CFAP36: variants seen among roughly 807,000 people sequenced by gnomAD.
CFAP36 encodes cilia- and flagella-associated protein 36.
CFAP36 carries 37 observed loss-of-function variants against 50.5 expected under a neutral mutation model. That is an observed-to-expected ratio of 0.73 (90% CI 0.56 to 0.96). The LOEUF (loss-of-function observed/expected upper bound fraction) is 0.96. Among genes scored for constraint, CFAP36 ranks in the 50% least tolerant of loss-of-function variants. CFAP36 has a pLI of 0.00. For missense variants in CFAP36, 407 were observed against 396.2 expected (o/e 1.03, Z -0.23); for synonymous variants, 138 against 128.2 (o/e 1.08, Z -0.52).
chr2:55,535,860 C>T, intron 6 of CFAP36, 97 bp downstream of exon 6: 3 of 1,439,872 alleles, frequency 2.1e-6, no homozygotes, highest in Non-Finnish European at 2.8e-6. Flanking sequence ...TTATGTGGAA[C>T]TACATAATTT....
At chr2:55,526,813 G>A (rs1013022767) in intron 3 of CFAP36, among the ~76,000 whole-genome samples, 3 of 152,108 alleles carry the variant, frequency 2.0e-5, no homozygotes, top group African/African-American at 7.2e-5. Flanking sequence ...CTTTAGGCCA[G>A]GGTCTCAATA....
chr2:55,527,397 ACGTGGTGAAAC>A (rs1684236475), intron 3 of CFAP36, among the ~76,000 whole-genome samples: 1 of 152,034 alleles, frequency 6.6e-6, no homozygotes, highest in African/African-American at 2.4e-5. Context: ...AGCCTGGCCA[ACGTGGTGAAAC>A]CCGTCTCTAC....
intron 4 of CFAP36, among the ~76,000 whole-genome samples, chr2:55,533,353 A>C (rs1349078306): frequency 6.6e-6 from 1 of 152,276 alleles, no homozygotes; most frequent in South Asian, 2.1e-4. Context: ...TTGTAGTTAA[A>C]AGTGTGGGGT....
intron 2 of CFAP36, among the ~76,000 whole-genome samples, chr2:55,522,625 A>G (rs1346745359): frequency 1.3e-5 from 2 of 152,170 alleles, no homozygotes; most frequent in Admixed American, 6.5e-5. Flanking sequence ...AGCTGGGACT[A>G]CAGGTGTGCA....
At chr2:55,537,443 T>C (rs762045211) in intron 6 of CFAP36, 40 bp from the exon 7 acceptor site, 1 of 1,316,826 alleles carries the variant, frequency 7.6e-7, no homozygotes. Context: ...TGAATCTAAA[T>C]TGTGTGTTTT....
rs1355396789 is a variant in CFAP36 at position 55,539,030 on chromosome 2, TG to T, written c.640+1446del. On this transcript the variant is annotated intron_variant, in intron 7 of 9. Coordinates refer to ENST00000349456, the MANE Select transcript of CFAP36 (RefSeq NM_080667.7). ...ACAGAGATTTCCCCCATATAGTCCC[TG>T]CCCTAGTACATGCCTAGCCTCTCCC... is the stretch of plus-strand genomic sequence containing the variant. 3 of 903,370 alleles carry T rather than the reference TG, an allele frequency of 3.3e-6. No individual in the cohort carries two copies. The East Asian group carries it at 1.1e-4, about 32-fold the overall frequency. 56.0% of individuals were successfully genotyped at this position (903,370 alleles called of 1,614,324 possible).
At chr2:55,537,634 C>T (rs368886974) in intron 7 of CFAP36, 49 bp downstream of exon 7, 4 of 1,054,100 alleles carry the variant, frequency 3.8e-6, no homozygotes, top group Non-Finnish European at 5.6e-6. Flanking sequence ...AATACATAAA[C>T]ACCATATAGA....
intron 1 of CFAP36, among the ~76,000 whole-genome samples, chr2:55,521,641 T>A (rs1253190760): frequency 1.3e-5 from 2 of 150,838 alleles, no homozygotes; most frequent in Non-Finnish European, 3.0e-5. Context: ...TTTTCTTTTT[T>A]TTTTTTGAGA....
chr2:55,530,629 C>T (rs1481018170), intron 4 of CFAP36, among the ~76,000 whole-genome samples: 2 of 152,212 alleles, frequency 1.3e-5, no homozygotes, highest in African/African-American at 4.8e-5. Flanking sequence ...ACCTGAACTA[C>T]ATTTAACATC....
chr2:55,520,611 C>A, intron 1 of CFAP36: 1 of 640,460 alleles, frequency 1.6e-6, no homozygotes, highest in Non-Finnish European at 2.5e-6. Flanking sequence ...CTGAGCAGTT[C>A]TTCAGGCTTG....
In CFAP36 at chr2:55,545,058, A is replaced by C. The variant is rs1558917313; in HGVS notation, c.*50A>C. On this transcript the variant is annotated 3_prime_UTR_variant, in exon 10 of 10. Coordinates refer to ENST00000349456, the MANE Select transcript of CFAP36 (RefSeq NM_080667.7). ...GGAAGTTCAAATTGTCTTAAAAATA[A>C]ATTATTTAGTCCTTACACTGAGCCT... 1 of 1,123,416 alleles carries C rather than the reference A, an allele frequency of 8.9e-7. No individual in the cohort carries two copies. The highest frequency in any genetic ancestry group is 1.5e-5 in the South Asian group (1 of 68,546). 69.6% of individuals were successfully genotyped at this position (1,123,416 alleles called of 1,614,324 possible). A position where few individuals can be genotyped will look rare whatever the true frequency, so the allele number is the denominator to read the frequency against.
intron 3 of CFAP36, among the ~76,000 whole-genome samples, chr2:55,525,731 A>T (rs1163093111): frequency 6.6e-6 from 1 of 152,082 alleles, no homozygotes; most frequent in African/African-American, 2.4e-5. Flanking sequence ...CCTAGGTTCA[A>T]GTGATTCTCC....
At chr2:55,526,746 G>A (rs1391462916) in intron 3 of CFAP36, among the ~76,000 whole-genome samples, 1 of 152,100 alleles carries the variant, frequency 6.6e-6, no homozygotes, top group African/African-American at 2.4e-5. Flanking sequence ...TTTTGGCTGG[G>A]TGTGATAGCT....
chr2:55,530,470 C>T (rs1684327512), intron 4 of CFAP36, among the ~76,000 whole-genome samples: 1 of 152,184 alleles, frequency 6.6e-6, no homozygotes, highest in Admixed American at 6.5e-5. Context: ...GGGCACTGGG[C>T]AGAGACAGAT....
chr2:55,526,517 A>T (rs1239707650), intron 3 of CFAP36, among the ~76,000 whole-genome samples: 3 of 152,102 alleles, frequency 2.0e-5, no homozygotes, highest in African/African-American at 7.2e-5. Flanking sequence ...TCATAGTTCT[A>T]TGCAACCTCT....
rs1362656869 is a variant in CFAP36, at chr2:55,543,954, T to C, written c.657T>C (p.Phe219=). 16 of 1,612,622 alleles carry C rather than the reference T, an allele frequency of 9.9e-6. No individual in the cohort carries two copies. Among genetic ancestry groups the C allele is most frequent in the Non-Finnish European group, 1.4e-5 (16 of 1,179,386 alleles). The part of the protein sequence containing the change: ...AHPPSEVKMH[F]ANQSIEPLGR... The stretch of plus-strand genomic sequence containing the variant: ...TATTGCCAGAAGTTAAAATGCATTT[T>C]GCTAATCAGTCAATAGAACCTTTGG... Residue 219 remains phenylalanine, a synonymous_variant, in exon 8 of 10, where the codon TTT becomes TTC. Coordinates refer to ENST00000349456, the MANE Select transcript of CFAP36 (RefSeq NM_080667.7).
At chr2:55,541,012 C>CA (rs1469660301) in intron 7 of CFAP36, among the ~76,000 whole-genome samples, 1 of 149,152 alleles carries the variant, frequency 6.7e-6, no homozygotes, top group African/African-American at 2.5e-5. Context: ...GACCCTGTCT[C>CA]AAAAAAATAA....
intron 5 of CFAP36, among the ~76,000 whole-genome samples, chr2:55,534,945 C>T (rs570694626): frequency 6.6e-6 from 1 of 152,280 alleles, no homozygotes; most frequent in East Asian, 1.9e-4. Flanking sequence ...CCCTTTCTTG[C>T]CACATCCCTC....
At chr2:55,542,561 C>T (rs1316176808) in intron 7 of CFAP36, among the ~76,000 whole-genome samples, 1 of 152,178 alleles carries the variant, frequency 6.6e-6, no homozygotes, top group African/African-American at 2.4e-5. Flanking sequence ...TTCTGATCTT[C>T]CCTTCCTAGA....
Sources: allele counts gnomAD v4.1 joint callset (sites outside exome capture counted in the v4.1 genomes callset), GRCh38; gene constraint gnomAD v4.1.1; transcripts MANE v1.5; gene names NCBI Gene and HGNC (gene_info 2026-07-23, HGNC 2026-07-21).